FOXP1: variants seen among roughly 807,000 people sequenced by gnomAD.
FOXP1 encodes the protein forkhead box protein P1.
Under a neutral mutation model 98.2 loss-of-function variants are expected in FOXP1, and 15 were observed. The observed-to-expected ratio is 0.15, with a 90% CI of 0.10 to 0.24. The LOEUF (loss-of-function observed/expected upper bound fraction) is 0.24. Among genes scored for constraint, FOXP1 ranks in the 10% least tolerant of loss-of-function variants. The pLI, the probability that FOXP1 is intolerant of heterozygous loss-of-function variation, is 1.00. For missense variants in FOXP1, 633 were observed against 848.5 expected, an observed-to-expected ratio of 0.75 and a Z score of 3.15; for synonymous variants, 371 against 314.5, an observed-to-expected ratio of 1.18 and a Z score of -1.90.
At chr3:71,139,410 C>G (rs2059963285) in intron 6 of FOXP1, among the ~76,000 whole-genome samples, 1 of 151,948 alleles carries the variant, frequency 6.6e-6, no homozygotes, top group Admixed American at 6.6e-5. Flanking sequence ...AATACTACAA[C>G]AGAAGCTGCC....
chr3:71,521,703 T>C (rs550521268), intron 2 of FOXP1, among the ~76,000 whole-genome samples: 1 of 152,324 alleles, frequency 6.6e-6, no homozygotes, highest in East Asian at 1.9e-4. Flanking sequence ...ATAATCAAGA[T>C]TAAGCATTTG....
At chr3:71,099,418 G>A (rs1256317505) in intron 7 of FOXP1, among the ~76,000 whole-genome samples, 6 of 152,014 alleles carry the variant, frequency 3.9e-5, no homozygotes, top group Admixed American at 2.0e-4. Context: ...AGGCTGAGGC[G>A]GGAGAATTGC....
At chr3:71,534,537 G>C (rs983840364) in intron 2 of FOXP1, among the ~76,000 whole-genome samples, 6 of 152,192 alleles carry the variant, frequency 3.9e-5, no homozygotes, top group African/African-American at 1.4e-4. Flanking sequence ...TACTCCAAAT[G>C]TAGTTAAAAC....
chr3:71,048,893 T>C (rs1375382641), intron 9 of FOXP1, among the ~76,000 whole-genome samples: 1 of 152,116 alleles, frequency 6.6e-6, no homozygotes, highest in African/African-American at 2.4e-5. Flanking sequence ...GTAAAATGAC[T>C]GATGCCTTTT....
intron 12 of FOXP1, among the ~76,000 whole-genome samples, chr3:71,007,127 G>C (rs2042910097): frequency 6.6e-6 from 1 of 151,770 alleles, no homozygotes; most frequent in Non-Finnish European, 1.5e-5. Context: ...AATTTTTTTT[G>C]GTAACACCCT....
At chr3:71,180,015 G>C (rs2062190542) in intron 6 of FOXP1, among the ~76,000 whole-genome samples, 1 of 152,198 alleles carries the variant, frequency 6.6e-6, no homozygotes, top group Non-Finnish European at 1.5e-5. Flanking sequence ...GTGGAGTGAA[G>C]TGACTGTCTC....
chr3:71,200,066 A>G (rs12714771), intron 5 of FOXP1, among the ~76,000 whole-genome samples: 29,874 of 128,814 alleles, frequency 0.23, 3,663 homozygotes, highest in East Asian at 0.4. Flanking sequence ...TGAGCTACAG[A>G]GCGAGACTCC....
rs973622868 is a variant in FOXP1 at position 70,956,317 on chromosome 3, T to G, written c.*2930A>C. ...TACAGAATCAGAATTGTAAAAATCA[T>G]AGTGAAGTTTGCTTGCTGTAAAGCC... is the stretch of plus-strand genomic sequence containing the variant. On this transcript the variant is annotated 3_prime_UTR_variant, in exon 21 of 21. Transcript: ENST00000649528. 1 of 233,178 alleles carries G rather than the reference T, an allele frequency of 4.3e-6. No individual in the cohort carries two copies. Among genetic ancestry groups the G allele is most frequent in the Non-Finnish European group, 8.5e-6 (1 of 117,876 alleles). 14.4% of individuals were successfully genotyped at this position (233,178 alleles called of 1,614,324 possible).
At chr3:71,151,710 C>A (rs1051177644) in intron 6 of FOXP1, among the ~76,000 whole-genome samples, 2 of 129,164 alleles carry the variant, frequency 1.5e-5, no homozygotes. Context: ...ATTTTTTGGT[C>A]ATACCTTGCA....
At chr3:71,157,610 G>A (rs1017008125) in intron 6 of FOXP1, among the ~76,000 whole-genome samples, 3 of 152,202 alleles carry the variant, frequency 2.0e-5, no homozygotes, top group Non-Finnish European at 4.4e-5. Context: ...AATATCCAGT[G>A]TACTGCCAAA....
intron 11 of FOXP1, among the ~76,000 whole-genome samples, chr3:71,019,345 C>G (rs2045039163): frequency 6.6e-6 from 1 of 152,140 alleles, no homozygotes; most frequent in Non-Finnish European, 1.5e-5. Flanking sequence ...TTCTGAAAAG[C>G]TGTCAGGGTC....
At chr3:71,312,339 C>G (rs2074748520) in intron 4 of FOXP1, among the ~76,000 whole-genome samples, 2 of 152,094 alleles carry the variant, frequency 1.3e-5, no homozygotes, top group Non-Finnish European at 2.9e-5. Flanking sequence ...TATAAGGCAG[C>G]AGGGTGGAGG....
chr3:71,123,628 T>C (rs574905088), intron 6 of FOXP1, among the ~76,000 whole-genome samples: 1 of 152,352 alleles, frequency 6.6e-6, no homozygotes, highest in African/African-American at 2.4e-5. Flanking sequence ...TGGACACCTG[T>C]ATCTTACACT....
chr3:71,581,065 G>A lies in FOXP1; in HGVS notation c.-298+484C>T, dbSNP rs191867097. The A allele has an allele frequency of 2.8e-4, 274 of 962,414 alleles. No individual in the cohort carries two copies. The African/African-American group carries it at 4.6e-3, about 16-fold the overall frequency. 59.6% of individuals were successfully genotyped at this position (962,414 alleles called of 1,614,324 possible). A position where few individuals can be genotyped will look rare whatever the true frequency, so the allele number is the denominator to read the frequency against. Reference sequence around the variant, plus strand: ...CAAGCCTCACAGATGAGGGCTTGTGGGGTGGGGAGGTAGGGAAGAGGAAGA... The same window carrying A: ...CAAGCCTCACAGATGAGGGCTTGTGAGGTGGGGAGGTAGGGAAGAGGAAGA... On this transcript the variant is annotated intron_variant, in intron 2 of 20. Transcript: ENST00000649528.
chr3:71,386,581 A>C (rs1294502739), intron 3 of FOXP1, among the ~76,000 whole-genome samples: 1 of 152,100 alleles, frequency 6.6e-6, no homozygotes, highest in Non-Finnish European at 1.5e-5. Flanking sequence ...TCTCTACTAA[A>C]AATACAAAAA....
chr3:71,019,516 T>C (rs1262688440), intron 11 of FOXP1, among the ~76,000 whole-genome samples: 2 of 152,194 alleles, frequency 1.3e-5, no homozygotes, highest in Non-Finnish European at 2.9e-5. Flanking sequence ...CGGCTCCATA[T>C]ACTCAGTACC....
At chr3:71,047,392 C>T (rs774567064) in intron 9 of FOXP1, among the ~76,000 whole-genome samples, 2 of 152,096 alleles carry the variant, frequency 1.3e-5, no homozygotes, top group African/African-American at 4.8e-5. Context: ...AACTTTTAGA[C>T]TTTGAAATTT....
intron 3 of FOXP1, among the ~76,000 whole-genome samples, chr3:71,369,593 C>T (rs968122779): frequency 1.3e-4 from 20 of 152,214 alleles, no homozygotes; most frequent in South Asian, 6.2e-4. Flanking sequence ...CGGGGTTTCA[C>T]CATGTTGGTC....
rs182032083 is a variant in FOXP1, at chr3:71,055,451, T to G, written c.283-1678A>C. Among the ~76,000 whole-genome samples, 3 of 152,230 alleles carry G rather than the reference T, an allele frequency of 2.0e-5. No homozygotes were observed. The East Asian group carries it at 5.8e-4, about 29-fold the overall frequency. ...TAGATACACTGTAATTTAAAACAGA[T>G]GGGCATGTCTGAATATTTTCATATG... On this transcript the variant is annotated intron_variant, in intron 7 of 20. Transcript: ENST00000649528.
Sources: gnomAD v4.1 joint callset for allele counts (sites outside exome capture counted in the v4.1 genomes callset) on GRCh38, gnomAD v4.1.1 for gene constraint, MANE v1.5 for transcripts, NCBI Gene and HGNC (gene_info 2026-07-23, HGNC 2026-07-21) for gene names.